PAH: variants seen among roughly 807,000 people sequenced by gnomAD.
PAH encodes the protein phenylalanine hydroxylase, also known as phenylalanine-4-hydroxylase.
Under a neutral mutation model 62.0 loss-of-function variants are expected in PAH, and 64 were observed. The observed-to-expected ratio is 1.03, with a 90% confidence interval of 0.84 to 1.27. The LOEUF is 1.27. Ranked by LOEUF, PAH falls within the 50% of genes most tolerant of loss-of-function variation. The pLI is 0.00. For synonymous variants in PAH, 195 were observed against 196.2 expected, an observed-to-expected ratio of 0.99 and a Z score of 0.05; for missense variants, 579 against 542.8, an observed-to-expected ratio of 1.07 and a Z score of -0.66.
intron 2 of PAH, among the ~76,000 whole-genome samples, chr12:102,911,337 C>T (rs1016949924): frequency 1.3e-5 from 2 of 152,156 alleles, no homozygotes; most frequent in Non-Finnish European, 2.9e-5. Flanking sequence ...TTTTGCACTG[C>T]GCCCTGCAAA....
rs181763774 is a variant in PAH, at chr12:102,852,408, C to T, written c.842+407G>A. 9.1e-4 allele frequency: 223 copies of T among 245,888 alleles called. 1 individual carries two copies. The highest frequency in any genetic ancestry group is 3.8e-3 in the African/African-American group (171 of 45,006). 15.2% of individuals were successfully genotyped at this position (245,888 alleles called of 1,614,324 possible). Reference sequence around the variant, plus strand: ...AACACCCAAGTAAGAAGCATAATGGCTGCAATTCTCTACCTCTACCCAATA... The same window carrying T: ...AACACCCAAGTAAGAAGCATAATGGTTGCAATTCTCTACCTCTACCCAATA... On this transcript the variant is annotated intron_variant, in intron 7 of 12. Coordinates refer to ENST00000553106, the MANE Select transcript of PAH (RefSeq NM_000277.3).
upstream of PAH, among the ~76,000 whole-genome samples, chr12:102,921,963 T>C (rs1279260387): frequency 2.0e-5 from 3 of 152,156 alleles, no homozygotes; most frequent in African/African-American, 7.2e-5. Context: ...TCATTTATTT[T>C]TGAGGAGGTG....
chr12:102,944,506 T>C (rs73377911), intron 1 of PAH, among the ~76,000 whole-genome samples: 4,808 of 152,300 alleles, frequency 0.032, 264 homozygotes, highest in African/African-American at 0.11. Flanking sequence ...GCTCACTAAT[T>C]CTTTCTTCTG....
At position 102,877,554 on chromosome 12, in the gene PAH, A is replaced by C. The variant is rs2136679249; in HGVS notation, c.353-4T>G. The C allele has an allele frequency of 6.2e-7, 1 of 1,611,928 alleles. No individual in the cohort carries two copies. Among genetic ancestry groups the C allele is most frequent in the Non-Finnish European group, 8.5e-7 (1 of 1,178,000 alleles). The stretch of plus-strand genomic sequence containing the variant: ...ATGGTTCTTGGGAACCAGGGCACTG[A>C]AACACAGAGAAGGCAACGTCCTGAG... On this transcript the variant is annotated splice_polypyrimidine_tract_variant and splice_region_variant and intron_variant, in intron 3 of 12. Coordinates refer to ENST00000553106, the MANE Select transcript of PAH (RefSeq NM_000277.3).
At chr12:102,905,765 G>A (rs1003473432) in intron 2 of PAH, among the ~76,000 whole-genome samples, 5 of 151,218 alleles carry the variant, frequency 3.3e-5, no homozygotes, top group African/African-American at 7.3e-5. Flanking sequence ...CCCTTCCCGG[G>A]CAATAGCTTA....
chr12:102,902,303 C>A (rs1045568886), intron 2 of PAH, among the ~76,000 whole-genome samples: 12 of 152,158 alleles, frequency 7.9e-5, no homozygotes, highest in African/African-American at 2.7e-4. Context: ...AGGAATAGAT[C>A]ATGGAAGGCC....
chr12:102,885,794 G>T (rs1440536691), intron 3 of PAH, among the ~76,000 whole-genome samples: 1 of 152,122 alleles, frequency 6.6e-6, no homozygotes, highest in South Asian at 2.1e-4. Flanking sequence ...CCCTCCACCC[G>T]ATGTTCACCA....
At chr12:102,875,889 A>AAC (rs1003837118) in intron 4 of PAH, among the ~76,000 whole-genome samples, 2 of 138,600 alleles carry the variant, frequency 1.4e-5, no homozygotes, top group South Asian at 2.3e-4. Flanking sequence ...AATACACACA[A>AAC]ACACACACAC....
rs1491228677 is a variant in PAH, at chr12:102,897,465, G to GTGTA, written c.169-2548_169-2547insTACA. Among the ~76,000 whole-genome samples, 487 of 93,954 alleles carry GTGTA rather than the reference G, an allele frequency of 5.2e-3. 6 individuals are homozygous for GTGTA. Among genetic ancestry groups the GTGTA allele is most frequent in the East Asian group, 0.043 (166 of 3,848 alleles). 61.6% of individuals were successfully genotyped at this position (93,954 alleles called of 152,430 possible). On this transcript the variant is annotated intron_variant, in intron 2 of 12. Coordinates refer to ENST00000553106, the MANE Select transcript of PAH (RefSeq NM_000277.3). ...CTCTCATATATATGTGTGTGTGTGT[G>GTGTA]TATATATATATATATATATATATAT... is the stretch of plus-strand genomic sequence containing the variant.
chr12:102,929,962 C>G (rs73393555), intron 1 of PAH, among the ~76,000 whole-genome samples: 4,812 of 152,190 alleles, frequency 0.032, 263 homozygotes, highest in African/African-American at 0.11. Flanking sequence ...GAAGATATCT[C>G]TGGAACTGGG....
At chr12:102,926,954 CTGTT>C (rs34681118) in intron 1 of PAH, among the ~76,000 whole-genome samples, 20,819 of 149,038 alleles carry the variant, frequency 0.14, 1,674 homozygotes, top group East Asian at 0.15. Context: ...TTAGCAAGCA[CTGTT>C]TGTTTGGGTG....
intron 1 of PAH, among the ~76,000 whole-genome samples, chr12:102,915,542 C>G (rs1346488634): frequency 1.3e-5 from 2 of 152,210 alleles, no homozygotes; most frequent in Non-Finnish European, 2.9e-5. Flanking sequence ...AGTCACCAGA[C>G]AGTTAGTCAA....
intron 5 of PAH, among the ~76,000 whole-genome samples, chr12:102,864,146 T>C (rs925983741): frequency 8.6e-5 from 13 of 152,020 alleles, no homozygotes; most frequent in African/African-American, 4.8e-5. Flanking sequence ...ACAAATGCTA[T>C]AGAGAAAAAA....
At chr12:102,913,203 C>A (rs1310691748) in intron 1 of PAH, among the ~76,000 whole-genome samples, 1 of 152,250 alleles carries the variant, frequency 6.6e-6, no homozygotes, top group East Asian at 1.9e-4. Context: ...AGGTTCCAGG[C>A]ACTATTTGGG....
In PAH at chr12:102,855,284, T is replaced by A; in HGVS notation, c.558A>T (p.Thr186=). 1 of 1,614,142 alleles carries A rather than the reference T, an allele frequency of 6.2e-7. No homozygotes were observed. The highest frequency in any genetic ancestry group is 8.5e-7 in the Non-Finnish European group (1 of 1,180,044). The change falls in exon 6 of 13, where the codon ACA becomes ACT. Residue 186 remains threonine (T), a synonymous_variant. Coordinates refer to ENST00000553106, the MANE Select transcript of PAH (RefSeq NM_000277.3). Reference sequence around the variant, plus strand: ...TCAGAGTCTTGAACACTGTGCCCCATGTTTTCTTTTCTTCCTCCATGTATT... The same window carrying A: ...TCAGAGTCTTGAACACTGTGCCCCAAGTTTTCTTTTCTTCCTCCATGTATT... ...RVEYMEEEKK[T]WGTVFKTLKS...
At chr12:102,894,429 T>A (rs375052152) in intron 3 of PAH, among the ~76,000 whole-genome samples, 14 of 138,968 alleles carry the variant, frequency 1.0e-4, no homozygotes, top group East Asian at 2.1e-4. Flanking sequence ...GCTTATAAAG[T>A]AAAAAAAAAA....
intron 4 of PAH, 122 bp from the exon 5 acceptor site, chr12:102,866,785 C>G (rs983296356): frequency 2.4e-6 from 2 of 821,922 alleles, no homozygotes; most frequent in Non-Finnish European, 4.3e-6. Context: ...CTTGGTTATA[C>G]CCTAAAACTA....
chr12:102,918,317 G>A (rs1246795744), upstream of PAH, among the ~76,000 whole-genome samples: 1 of 152,166 alleles, frequency 6.6e-6, no homozygotes, highest in Admixed American at 6.5e-5. Context: ...AAACTCAGGG[G>A]CCTCAAGCCT....
At chr12:102,866,493 T>A in intron 5 of PAH, 103 bp downstream of exon 5, 2 of 880,216 alleles carry the variant, frequency 2.3e-6, no homozygotes, top group Non-Finnish European at 3.9e-6. Flanking sequence ...AAGGCAGGAC[T>A]CTTCATGCTG....
Sources: gnomAD v4.1 joint callset for allele counts (sites outside exome capture counted in the v4.1 genomes callset) on GRCh38, gnomAD v4.1.1 for gene constraint, MANE v1.5 for transcripts, NCBI Gene and HGNC (gene_info 2026-07-23, HGNC 2026-07-21) for gene names.